Variants in EXOG observed in about 807,000 individuals in gnomAD.
The protein encoded by EXOG is exo/endonuclease G, also known as nuclease EXOG, mitochondrial.
EXOG carries 27 observed loss-of-function variants against 25.8 expected under a neutral mutation model. The ratio of observed to expected loss-of-function variants is 1.05; its 90% confidence interval spans 0.77 to 1.45. The LOEUF (loss-of-function observed/expected upper bound fraction) is 1.45, where lower values mean the gene tolerates loss of function less well. EXOG is among the 40% of genes most tolerant of loss of function. EXOG has a pLI of 0.00. For missense variants in EXOG, 458 were observed against 450.5 expected (o/e 1.02, Z -0.15); for synonymous variants, 133 against 167.0 (o/e 0.80, Z 1.57).
chr3:38,521,874 A>G (rs2060726301), intron 5 of EXOG, among the ~76,000 whole-genome samples: 1 of 151,956 alleles, frequency 6.6e-6, no homozygotes, highest in Non-Finnish European at 1.5e-5. Flanking sequence ...TCTTTTCTGT[A>G]TTTCCAGCAA....
At chr3:38,517,713 G>T (rs915110798) in intron 5 of EXOG, among the ~76,000 whole-genome samples, 1 of 152,172 alleles carries the variant, frequency 6.6e-6, no homozygotes, top group Non-Finnish European at 1.5e-5. Context: ...TCAAAACAGG[G>T]ATTGACAGAC....
At chr3:38,501,584 C>G in intron 3 of EXOG, 90 bp downstream of exon 3, 1 of 1,142,474 alleles carries the variant, frequency 8.8e-7, no homozygotes, top group Non-Finnish European at 1.3e-6. Context: ...GGAGCCAAAC[C>G]TTAAAACTTG....
At chr3:38,522,497 TTTTTG>T (rs927534846) in intron 5 of EXOG, among the ~76,000 whole-genome samples, 13 of 152,182 alleles carry the variant, frequency 8.5e-5, no homozygotes, top group African/African-American at 1.4e-4. Flanking sequence ...CAAAAAAGCC[TTTTTG>T]TTTTGTTTTG....
At chr3:38,506,711 G>A (rs1398620867) in intron 4 of EXOG, 143 bp from the exon 5 acceptor site, 2 of 427,020 alleles carry the variant, frequency 4.7e-6, no homozygotes, top group Admixed American at 4.2e-5. Context: ...TTGTTTATAT[G>A]CTTATAATGT....
At chr3:38,519,792 G>A (rs2060652117) in intron 5 of EXOG, among the ~76,000 whole-genome samples, 1 of 152,172 alleles carries the variant, frequency 6.6e-6, no homozygotes, top group Admixed American at 6.5e-5. Context: ...GGTTTGTGCT[G>A]CCACAAAAGC....
rs746023160 is a variant in EXOG, at chr3:38,501,409, C to A, written c.368C>A (p.Thr123Asn). Residue 123 changes from threonine (T) to asparagine (N), a missense_variant, in exon 3 of 6, where the codon ACC (threonine) becomes AAC (asparagine). By Grantham distance (65) the Thr-to-Asn change is moderately conservative. Around this residue, in one of 3 missense-constraint regions of EXOG, gnomAD observed 275 missense variants for 230.5 expected, o/e 1.19. Transcript: ENST00000287675. Reference sequence around the variant, plus strand: ...AAGCCTGATCCCAATATCCCTCCAACCTTCAGTGCCTTCAATGAAGATTAT... The same window carrying A: ...AAGCCTGATCCCAATATCCCTCCAAACTTCAGTGCCTTCAATGAAGATTAT... The part of the protein sequence containing the change: ...KFKPDPNIPP[T>N]FSAFNEDYVG... The A allele has an allele frequency of 6.2e-6, 10 of 1,612,198 alleles. No individual in the cohort carries two copies. Among genetic ancestry groups the A allele is most frequent in the Non-Finnish European group, 8.5e-6 (10 of 1,178,238 alleles).
At chr3:38,520,460 C>T (rs2060680828) in intron 5 of EXOG, among the ~76,000 whole-genome samples, 1 of 152,182 alleles carries the variant, frequency 6.6e-6, no homozygotes, top group Admixed American at 6.6e-5. Context: ...GGGTTGTTTG[C>T]TGACTCACTG....
intron 5 of EXOG, among the ~76,000 whole-genome samples, chr3:38,510,699 A>T (rs113015072): frequency 1.1e-3 from 160 of 150,006 alleles, no homozygotes; most frequent in African/African-American, 3.5e-3. Context: ...TATTATATAG[A>T]TATTTAAATA....
chr3:38,496,407 C>G lies in EXOG; in HGVS notation c.40C>G (p.Arg14Gly), dbSNP rs989147841. 2 of 1,613,912 alleles carry G rather than the reference C, an allele frequency of 1.2e-6. No individual in the cohort carries two copies. Among genetic ancestry groups the G allele is most frequent in the Non-Finnish European group, 1.7e-6 (2 of 1,179,944 alleles). Residue 14 changes from arginine to glycine, a missense_variant, in exon 1 of 6, where the codon CGT (arginine) becomes GGT (glycine). Physicochemically the swap from Arg to Gly is moderately radical, Grantham distance 125. This residue lies in a region of EXOG where 275 missense variants were observed against 230.5 expected (regional missense o/e 1.19). Transcript: ENST00000287675. ...TATCGCTTCCCGCCTCCGGGGTTCC[C>G]GTCGTTTTCTGAGCGGCTTCGTGGC... is the stretch of plus-strand genomic sequence containing the variant. Reference protein sequence around the residue: ...KSIASRLRGSRRFLSGFVAGA... With the variant: ...KSIASRLRGSGRFLSGFVAGA...
chr3:38,506,676 T>C (rs2060209904), intron 4 of EXOG, among the ~76,000 whole-genome samples, 178 bp from the exon 5 acceptor site: 1 of 152,242 alleles, frequency 6.6e-6, no homozygotes, highest in African/African-American at 2.4e-5. Context: ...GTTTTTTCTG[T>C]GCAGTAAGCA....
At position 38,524,267 on chromosome 3, in the gene EXOG, G is replaced by A; in HGVS notation, c.1012G>A (p.Glu338Lys). Residue 338 changes from glutamate to lysine, a missense_variant, in exon 6 of 6, where the codon GAA becomes AAA. Physicochemically the swap from Glu to Lys is moderately conservative, Grantham distance 56. Transcript: ENST00000287675. ...GGAAAACTTGAAGAATGCAGAGATT[G>A]AACCAGATGATTACTTTATGAGTCG... ...IMENLKNAEI[E>K]PDDYFMSRYE... 6.2e-7 allele frequency: 1 copy of A among 1,614,206 alleles called. No individual in the cohort carries two copies. Among genetic ancestry groups the A allele is most frequent in the Non-Finnish European group, 8.5e-7 (1 of 1,180,030 alleles).
chr3:38,514,144 A>G (rs1172968506), intron 5 of EXOG, among the ~76,000 whole-genome samples: 1 of 152,200 alleles, frequency 6.6e-6, no homozygotes, highest in African/African-American at 2.4e-5. Flanking sequence ...GGAAATGTGG[A>G]TTGTATTAAG....
intron 3 of EXOG, among the ~76,000 whole-genome samples, chr3:38,502,721 A>G (rs2060084538): frequency 6.6e-6 from 1 of 152,186 alleles, no homozygotes; most frequent in Non-Finnish European, 1.5e-5. Context: ...TATGACCTTT[A>G]TAGCTTTTTT....
Position 38,524,500 on chromosome 3 carries a change from G to C in EXOG, c.*138G>C. 7.2e-7 allele frequency: 1 copy of C among 1,394,074 alleles called. No individual in the cohort carries two copies. Among genetic ancestry groups the C allele is most frequent in the Non-Finnish European group, 9.4e-7 (1 of 1,064,966 alleles). 86.4% of individuals were successfully genotyped at this position (1,394,074 alleles called of 1,614,324 possible). ...AGATGTGGTCTCGCCGTGTCATCCA[G>C]GCTGGAGTGCAGTGGTGGAATCATA... On this transcript the variant is annotated 3_prime_UTR_variant, in exon 6 of 6. Coordinates refer to ENST00000287675, the MANE Select transcript of EXOG (RefSeq NM_005107.4).
intron 3 of EXOG, among the ~76,000 whole-genome samples, 158 bp from the exon 4 acceptor site, chr3:38,503,457 C>T (rs1204609791): frequency 1.3e-5 from 2 of 152,146 alleles, no homozygotes; most frequent in African/African-American, 4.8e-5. Flanking sequence ...AGCTTTCTGT[C>T]CTGGAATAAT....
chr3:38,501,192 A>G (rs2060033623), intron 2 of EXOG, 163 bp from the exon 3 acceptor site: 6 of 604,282 alleles, frequency 9.9e-6, no homozygotes, highest in Non-Finnish European at 1.8e-5. Context: ...CTAAATTCAG[A>G]TGAAGTATCT....
chr3:38,501,274 G>T lies in EXOG; in HGVS notation c.314-81G>T. The T allele has an allele frequency of 2.5e-6, 3 of 1,218,300 alleles. No homozygotes were observed. In the African/African-American group the frequency reaches 4.5e-5, roughly 18 times the overall value. The allele number at this position is 1,218,300 out of a possible 1,614,324, so 75.5% of individuals were successfully genotyped here. A position where few individuals can be genotyped will look rare whatever the true frequency, so the allele number is the denominator to read the frequency against. ...CTGCTTGGAGAGACACCAGCCAGTAGCAACCAGCTTGCCTTGCTTAGAGAA... is the reference window on the plus strand; with the variant it reads ...CTGCTTGGAGAGACACCAGCCAGTATCAACCAGCTTGCCTTGCTTAGAGAA... On this transcript the variant is annotated intron_variant, in intron 2 of 5. Coordinates refer to ENST00000287675, the MANE Select transcript of EXOG (RefSeq NM_005107.4).
At chr3:38,510,211 AG>A (rs2060325342) in intron 5 of EXOG, among the ~76,000 whole-genome samples, 2 of 152,182 alleles carry the variant, frequency 1.3e-5, no homozygotes, top group African/African-American at 4.8e-5. Flanking sequence ...ACTTTACAAA[AG>A]TGTTAGTGTC....
Position 38,497,352 on chromosome 3 carries a change from G to T in EXOG, c.164-277G>T. On this transcript the variant is annotated intron_variant, in intron 1 of 5. Transcript: ENST00000287675. ...GATGATTTGGAAATTTGATGTGAAA[G>T]ACTAATAAGATCAAGTCTTTATTCA... 3.4e-6 allele frequency: 4 copies of T among 1,164,090 alleles called. No individual in the cohort carries two copies. In the South Asian group the frequency reaches 1.1e-4, roughly 33 times the overall value. 72.1% of individuals were successfully genotyped at this position (1,164,090 alleles called of 1,614,324 possible).
Sources: allele counts gnomAD v4.1 joint callset (sites outside exome capture counted in the v4.1 genomes callset), GRCh38; gene constraint gnomAD v4.1.1; regional missense constraint gnomAD v4.1.1; transcripts MANE v1.5; gene names NCBI Gene and HGNC (gene_info 2026-07-23, HGNC 2026-07-21).